The following TAFA1 variants were observed in gnomAD, a reference collection of about 807,000 sequenced individuals.
TAFA1 encodes the protein chemokine-like protein TAFA-1.
In TAFA1, 4 loss-of-function variants were observed where a neutral mutation model predicts 18.5. The ratio of observed to expected loss-of-function variants is 0.22; its 90% confidence interval spans 0.11 to 0.49. The LOEUF (loss-of-function observed/expected upper bound fraction) is 0.49, where lower values mean the gene tolerates loss of function less well. TAFA1 is among the 20% of genes least tolerant of loss of function. The probability of loss-of-function intolerance (pLI) is 0.98; values close to 1 mark genes in which losing one functional copy is unlikely to be tolerated. For synonymous variants in TAFA1, 56 were observed against 55.2 expected, an observed-to-expected ratio of 1.01 and a Z score of -0.06; for missense variants, 147 against 169.0, an observed-to-expected ratio of 0.87 and a Z score of 0.72.
chr3:68,451,092 C>G (rs1439536369), intron 3 of TAFA1, among the ~76,000 whole-genome samples: 1 of 152,196 alleles, frequency 6.6e-6, no homozygotes, highest in Admixed American at 6.5e-5. Context: ...ACTATCTTTT[C>G]ATATTGCAGT....
chr3:68,534,876 G>A (rs1371421187), intron 3 of TAFA1, among the ~76,000 whole-genome samples: 1 of 151,996 alleles, frequency 6.6e-6, no homozygotes, highest in Non-Finnish European at 1.5e-5. Flanking sequence ...GGGCTTAGAA[G>A]GAGGCAACAC....
intron 2 of TAFA1, among the ~76,000 whole-genome samples, chr3:68,230,812 A>G (rs1410794959): frequency 1.3e-5 from 2 of 152,128 alleles, no homozygotes; most frequent in African/African-American, 4.8e-5. Flanking sequence ...ATAAAAGCCA[A>G]CTTAACTGGG....
chr3:68,089,387 T>C (rs2065006588), intron 2 of TAFA1, among the ~76,000 whole-genome samples: 1 of 152,178 alleles, frequency 6.6e-6, no homozygotes, highest in Non-Finnish European at 1.5e-5. Flanking sequence ...TTCCTCTTCA[T>C]TACAATGATG....
chr3:67,995,847 C>T, the TAFA1 span, among the ~76,000 whole-genome samples: 3 of 152,232 alleles, frequency 2.0e-5, no homozygotes, highest in East Asian at 5.8e-4. Flanking sequence ...AGCCTCCTCC[C>T]TGCTCAGCCC....
intron 2 of TAFA1, among the ~76,000 whole-genome samples, chr3:68,149,131 T>A (rs2065777115): frequency 6.6e-6 from 1 of 152,168 alleles, no homozygotes; most frequent in Non-Finnish European, 1.5e-5. Flanking sequence ...GCAACGTTTT[T>A]TACCCCCAAC....
intron 2 of TAFA1, among the ~76,000 whole-genome samples, chr3:68,019,569 AG>A (rs1294766119): frequency 1.3e-5 from 2 of 152,232 alleles, no homozygotes; most frequent in African/African-American, 4.8e-5. Context: ...TAAATTATCT[AG>A]AATATTGTAT....
intron 3 of TAFA1, among the ~76,000 whole-genome samples, chr3:68,420,973 A>C (rs1247159079): frequency 2.0e-5 from 3 of 152,164 alleles, no homozygotes; most frequent in African/African-American, 7.2e-5. Context: ...ATGGTTTCTC[A>C]TGTTCTTTGC....
chr3:68,477,579 C>G (rs2072126346), intron 3 of TAFA1, among the ~76,000 whole-genome samples: 1 of 151,878 alleles, frequency 6.6e-6, no homozygotes. Flanking sequence ...TGGGGTTTCA[C>G]TATGTTGGTC....
rs2070271824 is a variant in TAFA1 at position 68,392,178 on chromosome 3, A to G, written c.119-25102A>G. Among the ~76,000 whole-genome samples the G allele has an allele frequency of 4.2e-4, 4 of 9,450 alleles. No individual in the cohort carries two copies. The Admixed American group carries it at 4.7e-3, about 11-fold the overall frequency. The allele number at this position is 9,450 out of a possible 152,430, so 6.2% of individuals were successfully genotyped here. The stretch of plus-strand genomic sequence containing the variant: ...GGAGGGAGGAATATTTAGGAAAGCA[A>G]AAAAAAAAAAAAAAAAAAGTAGGGA... On this transcript the variant is annotated intron_variant, in intron 2 of 4. Transcript: ENST00000478136.
chr3:68,092,361 A>G (rs2065039259), intron 2 of TAFA1, among the ~76,000 whole-genome samples: 1 of 152,196 alleles, frequency 6.6e-6, no homozygotes, highest in Admixed American at 6.5e-5. Flanking sequence ...CTTGTTATAG[A>G]GAAAAAGTCA....
At chr3:68,188,836 G>A (rs1355435749) in intron 2 of TAFA1, among the ~76,000 whole-genome samples, 3 of 151,822 alleles carry the variant, frequency 2.0e-5, no homozygotes, top group African/African-American at 7.3e-5. Context: ...ATCCAGAATA[G>A]TGGGGGTTTT....
Position 68,451,560 on chromosome 3 carries a change from C to T in TAFA1, c.259+34140C>T. On this transcript the variant is annotated intron_variant, in intron 3 of 4. Coordinates refer to ENST00000478136, the MANE Select transcript of TAFA1 (RefSeq NM_213609.4). Reference sequence around the variant, plus strand: ...TTCCTTGAAGTCATATCCCCATATCCCTGTCATCTTCCCCTTCCATCTGTA... The same window carrying T: ...TTCCTTGAAGTCATATCCCCATATCTCTGTCATCTTCCCCTTCCATCTGTA... Among the ~76,000 whole-genome samples the T allele has an allele frequency of 1.3e-5, 2 of 152,106 alleles. 1 individual carries two copies. Among genetic ancestry groups the T allele is most frequent in the Non-Finnish European group, 2.9e-5 (2 of 68,024 alleles).
intron 2 of TAFA1, among the ~76,000 whole-genome samples, chr3:68,381,961 T>C (rs1315317962): frequency 2.0e-5 from 3 of 152,246 alleles, no homozygotes; most frequent in Non-Finnish European, 4.4e-5. Flanking sequence ...ACCTAATTTA[T>C]TGAGACTTTT....
At chr3:68,111,295 T>A (rs904765593) in intron 2 of TAFA1, among the ~76,000 whole-genome samples, 2 of 152,148 alleles carry the variant, frequency 1.3e-5, no homozygotes, top group Non-Finnish European at 2.9e-5. Flanking sequence ...ATATTTTCAA[T>A]GTTCCAAAAG....
At chr3:68,445,227 A>G (rs574133306) in intron 3 of TAFA1, among the ~76,000 whole-genome samples, 70 of 152,142 alleles carry the variant, frequency 4.6e-4, no homozygotes, top group Non-Finnish European at 8.1e-4. Context: ...CAGATTATGT[A>G]TAGTACCTTT....
chr3:68,408,147 T>C (rs2070648454), intron 2 of TAFA1, among the ~76,000 whole-genome samples: 1 of 152,242 alleles, frequency 6.6e-6, no homozygotes, highest in Non-Finnish European at 1.5e-5. Context: ...ATTACAGCTT[T>C]TAAAGAAAGG....
intron 2 of TAFA1, among the ~76,000 whole-genome samples, chr3:68,074,469 C>A (rs2064799488): frequency 6.6e-6 from 1 of 152,126 alleles, no homozygotes; most frequent in Non-Finnish European, 1.5e-5. Context: ...GCTCTATGAC[C>A]TTGGGCAAAT....
intron 2 of TAFA1, among the ~76,000 whole-genome samples, chr3:68,245,933 C>T (rs1044040510): frequency 2.0e-5 from 3 of 152,092 alleles, no homozygotes; most frequent in Admixed American, 6.5e-5. Context: ...GGTAATAAAG[C>T]GGGTATGGTA....
chr3:68,018,875 A>G (rs1027186645), intron 2 of TAFA1, among the ~76,000 whole-genome samples: 2 of 152,206 alleles, frequency 1.3e-5, no homozygotes, highest in African/African-American at 4.8e-5. Flanking sequence ...CGGTTTACTG[A>G]GTGCTTGCTG....
Sources: gnomAD v4.1 joint callset for allele counts (sites outside exome capture counted in the v4.1 genomes callset) on GRCh38, gnomAD v4.1.1 for gene constraint, MANE v1.5 for transcripts, NCBI Gene and HGNC (gene_info 2026-07-23, HGNC 2026-07-21) for gene names.